The following GCFC2 variants were observed in gnomAD, a reference collection of about 807,000 sequenced individuals.
GCFC2 encodes intron Large complex component GCFC2.
In GCFC2, 102 loss-of-function variants were observed where a neutral mutation model predicts 99.4. The ratio of observed to expected loss-of-function variants is 1.03; its 90% CI spans 0.87 to 1.21. The LOEUF (loss-of-function observed/expected upper bound fraction) is 1.21. Among genes scored for constraint, GCFC2 ranks in the 50% most tolerant of loss-of-function variants. The pLI, the probability that GCFC2 is intolerant of heterozygous loss-of-function variation, is 0.00. For synonymous variants in GCFC2, 338 were observed against 316.8 expected (o/e 1.07, Z -0.71); for missense variants, 973 against 920.9 (o/e 1.06, Z -0.73).
intron 15 of GCFC2, 138 bp downstream of exon 15, chr2:75,670,000 C>T (rs772345437): frequency 1.9e-4 from 100 of 540,046 alleles, no homozygotes; most frequent in Non-Finnish European, 2.9e-4. Flanking sequence ...GCTGGGATTA[C>T]AGGCATGAGC....
chr2:75,698,893 T>C (rs551783214), intron 4 of GCFC2, among the ~76,000 whole-genome samples: 11 of 151,776 alleles, frequency 7.2e-5, no homozygotes, highest in Non-Finnish European at 1.6e-4. Flanking sequence ...GTACGTGTAG[T>C]CCCAGCTACT....
At chr2:75,694,862 T>G (rs1306105335) in intron 5 of GCFC2, among the ~76,000 whole-genome samples, 6 of 152,086 alleles carry the variant, frequency 3.9e-5, no homozygotes. Context: ...AGTATACATG[T>G]GCTTATAAAG....
chr2:75,690,542 G>C (rs1680019512), intron 8 of GCFC2, 96 bp downstream of exon 8: 1 of 734,556 alleles, frequency 1.4e-6, no homozygotes, highest in South Asian at 1.6e-5. Flanking sequence ...ATGTATATCA[G>C]GTATAGTTAA....
chr2:75,710,998 T>C (rs1179146496), upstream of GCFC2: 3 of 1,352,852 alleles, frequency 2.2e-6, no homozygotes, highest in Admixed American at 4.1e-5. Flanking sequence ...TCACCGCTAC[T>C]CTGTCTGCGC....
At chr2:75,693,378 T>C (rs1046965727) in intron 6 of GCFC2, among the ~76,000 whole-genome samples, 56 of 152,276 alleles carry the variant, frequency 3.7e-4, no homozygotes, top group African/African-American at 1.2e-3. Context: ...AGGCAGAGGT[T>C]GCATTGAGCT....
chr2:75,712,571 C>G (rs1009118828), upstream of GCFC2, among the ~76,000 whole-genome samples: 3 of 152,130 alleles, frequency 2.0e-5, no homozygotes, highest in African/African-American at 4.8e-5. Flanking sequence ...AGTGGCAACC[C>G]GCTCCGGTCC....
intron 12 of GCFC2, among the ~76,000 whole-genome samples, chr2:75,677,587 G>T (rs933614285): frequency 6.6e-6 from 1 of 152,202 alleles, no homozygotes; most frequent in African/African-American, 2.4e-5. Flanking sequence ...TGTTCCAAAT[G>T]CCAATGTAGT....
chr2:75,684,486 G>C (rs1404784329), intron 11 of GCFC2, among the ~76,000 whole-genome samples: 1 of 152,190 alleles, frequency 6.6e-6, no homozygotes, highest in African/African-American at 2.4e-5. Context: ...GCAGTGTGTA[G>C]AGGGAAATTT....
Position 75,664,690 on chromosome 2 carries a change from AAG to A in GCFC2, c.2320_2321del (p.Leu774Ter), listed in dbSNP as rs762196817. On this transcript the variant is annotated frameshift_variant, in exon 17 of 17. Coordinates refer to ENST00000321027, the MANE Select transcript of GCFC2 (RefSeq NM_003203.5). LOFTEE classifies it high-confidence loss of function. ...TTCAATCTTCTTTAATTAGTGATTT[AAG>A]ATGGTCTAGGTGATGCTCTCCTATG... ...SFIGEHHLDH[L>X]KSLIKED 1 of 1,473,430 alleles carries A rather than the reference AAG, an allele frequency of 6.8e-7. No individual in the cohort carries two copies. The highest frequency in any genetic ancestry group is 9.5e-7 in the Non-Finnish European group (1 of 1,056,830). The allele number at this position is 1,473,430 out of a possible 1,614,324, so 91.3% of individuals were successfully genotyped here.
At chr2:75,699,905 T>A (rs1172097917) in intron 4 of GCFC2, among the ~76,000 whole-genome samples, 1 of 151,588 alleles carries the variant, frequency 6.6e-6, no homozygotes, top group Admixed American at 6.6e-5. Flanking sequence ...TGTTTTTTTT[T>A]TTTTTTCTTA....
At chr2:75,701,134 G>T in intron 4 of GCFC2, 56 bp downstream of exon 4, 1 of 953,722 alleles carries the variant, frequency 1.0e-6, no homozygotes, top group Non-Finnish European at 1.7e-6. Flanking sequence ...CAAGTTTGTG[G>T]TAATTTGTTA....
Position 75,710,726 on chromosome 2 carries a change from C to A in GCFC2, c.130G>T (p.Glu44Ter), listed in dbSNP as rs980388259. ...GCGCGGCCTCCTCCAGAGGGCGGCT[C>A]TTCCTCCGCAGAACCCGGGACCGGA... ...ELPVPGSAEE[E>*]PPSGGGRAQV... Residue 44 changes from glutamate (E) to a stop codon, truncating the protein, a stop_gained, in exon 1 of 17, where the codon GAG (glutamate) becomes TAG (stop). Coordinates refer to ENST00000321027, the MANE Select transcript of GCFC2 (RefSeq NM_003203.5). LOFTEE classifies it high-confidence loss of function. 1 of 1,556,068 alleles carries A rather than the reference C, an allele frequency of 6.4e-7. No individual in the cohort carries two copies. Among genetic ancestry groups the A allele is most frequent in the Non-Finnish European group, 8.7e-7 (1 of 1,155,512 alleles).
intron 5 of GCFC2, among the ~76,000 whole-genome samples, chr2:75,695,753 T>C (rs1680285304): frequency 6.6e-6 from 1 of 152,206 alleles, no homozygotes; most frequent in Non-Finnish European, 1.5e-5. Context: ...AGCACTGTGA[T>C]ACTGCAATAG....
Position 75,692,027 on chromosome 2 carries a change from C to T in GCFC2, c.1094G>A (p.Arg365His), listed in dbSNP as rs766158702. 1.9e-5 allele frequency: 29 copies of T among 1,558,150 alleles called. No individual in the cohort carries two copies. The highest frequency in any genetic ancestry group is 2.4e-5 in the South Asian group (2 of 83,324). Residue 365 changes from arginine to histidine, a missense_variant, in exon 7 of 17, where the codon CGC becomes CAC. By Grantham distance (29) the Arg-to-His change is conservative. Coordinates refer to ENST00000321027, the MANE Select transcript of GCFC2 (RefSeq NM_003203.5). ...LLKQAMTFMK[R>H]RQDELKHEST... ...TTCATGTTTTAATTCATCTTGCCTG[C>T]GTTTCATAAAGGTCATAGCTTGTTT... is the stretch of plus-strand genomic sequence containing the variant.
intron 5 of GCFC2, among the ~76,000 whole-genome samples, chr2:75,694,962 A>C (rs1214863053): frequency 6.6e-6 from 1 of 152,136 alleles, no homozygotes; most frequent in Non-Finnish European, 1.5e-5. Flanking sequence ...TTCGTTCTGT[A>C]TATCCTTTCC....
At chr2:75,688,520 G>T (rs970324843) in intron 10 of GCFC2, among the ~76,000 whole-genome samples, 4 of 151,724 alleles carry the variant, frequency 2.6e-5, no homozygotes, top group Admixed American at 2.6e-4. Flanking sequence ...CCTTAACTTA[G>T]GATCTAAATA....
chr2:75,710,088 T>C (rs1681073583), intron 1 of GCFC2, among the ~76,000 whole-genome samples: 1 of 152,248 alleles, frequency 6.6e-6, no homozygotes, highest in South Asian at 2.1e-4. Flanking sequence ...TATATATTAC[T>C]ATTAGTTTTT....
At chr2:75,670,308 ATGTACCT>A (rs1203066471) in intron 14 of GCFC2, 24 bp from the exon 15 acceptor site, 10 of 1,515,698 alleles carry the variant, frequency 6.6e-6, no homozygotes, top group African/African-American at 1.4e-5. Flanking sequence ...TCAAGTAAAT[ATGTACCT>A]TTTCTCCAAA....
At position 75,672,130 on chromosome 2, in the gene GCFC2, TATAA is replaced by T. The variant is rs1407171505; in HGVS notation, c.1890-118_1890-115del. The T allele has an allele frequency of 5.3e-5, 14 of 264,932 alleles. 1 individual carries two copies. The South Asian group carries it at 9.5e-4, about 18-fold the overall frequency. 16.4% of individuals were successfully genotyped at this position (264,932 alleles called of 1,614,324 possible). A position where few individuals can be genotyped will look rare whatever the true frequency, so the allele number is the denominator to read the frequency against. On this transcript the variant is annotated intron_variant, in intron 13 of 16. Transcript: ENST00000321027. ...CCAACCAAACTAAGCCTTAATGGAA[TATAA>T]ATAGAGATTGTTTATTTTATTTTAT...
Sources: gnomAD v4.1 joint callset for allele counts (sites outside exome capture counted in the v4.1 genomes callset) on GRCh38, gnomAD v4.1.1 for gene constraint, MANE v1.5 for transcripts, NCBI Gene and HGNC (gene_info 2026-07-23, HGNC 2026-07-21) for gene names.